The following TENM4 variants were observed in gnomAD, a reference collection of about 807,000 sequenced individuals.
TENM4 encodes teneurin-4.
A neutral mutation model predicts 243.3 loss-of-function variants in TENM4; 82 were observed. The observed-to-expected ratio is 0.34, with a 90% confidence interval of 0.28 to 0.40. The LOEUF is 0.40. Among genes scored for constraint, TENM4 ranks in the 10% least tolerant of loss-of-function variants. The pLI is 1.00. For missense variants in TENM4, 3,138 were observed against 3,673.3 expected (o/e 0.85, Z 3.77); for synonymous variants, 1,412 against 1,456.3 (o/e 0.97, Z 0.69).
At chr11:78,811,648 C>T (rs1248032465) in intron 14 of TENM4, among the ~76,000 whole-genome samples, 2 of 152,002 alleles carry the variant, frequency 1.3e-5, no homozygotes, top group Non-Finnish European at 2.9e-5. Context: ...ATAATAGAAT[C>T]ACACTTCAGA....
At chr11:78,659,357 G>A (rs1857976421) in intron 33 of TENM4, among the ~76,000 whole-genome samples, 1 of 152,126 alleles carries the variant, frequency 6.6e-6, no homozygotes, top group African/African-American at 2.4e-5. Flanking sequence ...GTTGTCACTG[G>A]CTCACAGTCA....
At chr11:78,828,989 G>A (rs1857918437) in intron 12 of TENM4, among the ~76,000 whole-genome samples, 1 of 152,234 alleles carries the variant, frequency 6.6e-6, no homozygotes, top group African/African-American at 2.4e-5. Flanking sequence ...GGGGCCATCT[G>A]CTCTCCACCC....
intron 19 of TENM4, among the ~76,000 whole-genome samples, chr11:78,752,038 A>G (rs1231675030): frequency 6.6e-6 from 1 of 152,204 alleles, no homozygotes; most frequent in East Asian, 1.9e-4. Flanking sequence ...AGTGGTTCCC[A>G]TGCCTACTCT....
chr11:79,122,490 G>A (rs10899592), intron 4 of TENM4, among the ~76,000 whole-genome samples: 101,079 of 152,038 alleles, frequency 0.66, 35,541 homozygotes, highest in Non-Finnish European at 0.81. Flanking sequence ...AGAGATGTCC[G>A]CTGGGACTAG....
chr11:78,668,291 T>C (rs1858211447), intron 32 of TENM4, among the ~76,000 whole-genome samples: 1 of 152,224 alleles, frequency 6.6e-6, no homozygotes, highest in African/African-American at 2.4e-5. Context: ...TTTTAGTTTT[T>C]ATCTTTTTAG....
At chr11:79,122,979 A>C (rs938288505) in intron 4 of TENM4, among the ~76,000 whole-genome samples, 59 of 152,200 alleles carry the variant, frequency 3.9e-4, no homozygotes, top group Admixed American at 3.9e-3. Context: ...CCTGAGCCTT[A>C]CCTCAAACAG....
intron 1 of TENM4, among the ~76,000 whole-genome samples, chr11:79,409,185 T>C (rs1348117579): frequency 1.3e-5 from 2 of 150,400 alleles, no homozygotes; most frequent in African/African-American, 2.4e-5. Flanking sequence ...AATTTTGTTG[T>C]GAGCTTCTCT....
At chr11:79,394,575 C>T in intron 1 of TENM4, among the ~76,000 whole-genome samples, 1 of 152,220 alleles carries the variant, frequency 6.6e-6, no homozygotes, top group Non-Finnish European at 1.5e-5. Flanking sequence ...TTTTGTTTAA[C>T]ACTAATATGT....
rs532612783 is a variant in TENM4, at chr11:79,065,719, G to A, written c.224-712C>T. On this transcript the variant is annotated intron_variant, in intron 5 of 33. Transcript: ENST00000278550. Reference sequence around the variant, plus strand: ...CTGCTTCCTTATCCCAAGTGGGTCTGTGATGGGGAACTGGCAGAGACAGGT... The same window carrying A: ...CTGCTTCCTTATCCCAAGTGGGTCTATGATGGGGAACTGGCAGAGACAGGT... 5.3e-5 allele frequency among the ~76,000 whole-genome samples: 8 copies of A among 152,334 alleles called. No homozygotes were observed. In the East Asian group the frequency reaches 9.7e-4, roughly 18 times the overall value.
intron 3 of TENM4, among the ~76,000 whole-genome samples, chr11:79,176,591 A>G (rs908282733): frequency 6.6e-6 from 1 of 152,250 alleles, no homozygotes; most frequent in Non-Finnish European, 1.5e-5. Context: ...ACTTTTAATT[A>G]CTTGACACCT....
chr11:78,830,687 C>T (rs556480592), intron 12 of TENM4, among the ~76,000 whole-genome samples: 23 of 152,306 alleles, frequency 1.5e-4, no homozygotes, highest in African/African-American at 5.3e-4. Flanking sequence ...CTTTAATTAA[C>T]GATGGCTGAG....
intron 1 of TENM4, among the ~76,000 whole-genome samples, chr11:79,374,028 T>G (rs1236287812): frequency 3.3e-5 from 5 of 152,144 alleles, no homozygotes; most frequent in African/African-American, 9.7e-5. Flanking sequence ...CCTGGGTTGA[T>G]GGACCAGGAA....
intron 5 of TENM4, among the ~76,000 whole-genome samples, chr11:79,067,345 TC>T (rs1257598780): frequency 7.1e-6 from 1 of 140,086 alleles, no homozygotes; most frequent in African/African-American, 2.7e-5. Flanking sequence ...CGTATCACAC[TC>T]CCTGGCCGCT....
intron 3 of TENM4, among the ~76,000 whole-genome samples, chr11:79,165,156 C>T (rs920134591): frequency 3.9e-5 from 6 of 151,972 alleles, no homozygotes; most frequent in Middle Eastern, 3.4e-3. Context: ...GGGTATCTAC[C>T]CAGGACTGGG....
intron 2 of TENM4, among the ~76,000 whole-genome samples, chr11:79,272,654 C>G (rs919387608): frequency 6.6e-6 from 1 of 152,076 alleles, no homozygotes; most frequent in African/African-American, 2.4e-5. Context: ...CACACACACT[C>G]TGGCCTCTTC....
intron 6 of TENM4, among the ~76,000 whole-genome samples, chr11:79,039,384 T>C (rs139367561): frequency 2.6e-5 from 4 of 152,302 alleles, no homozygotes; most frequent in African/African-American, 9.6e-5. Flanking sequence ...GCTGTCAGCC[T>C]GGCTCACATT....
intron 6 of TENM4, among the ~76,000 whole-genome samples, chr11:78,956,141 C>T (rs533613342): frequency 4.6e-5 from 7 of 152,188 alleles, no homozygotes; most frequent in African/African-American, 1.7e-4. Context: ...AGGAAATCAG[C>T]ACTTTTTTTT....
At chr11:78,874,572 A>C (rs1169350878) in intron 9 of TENM4, among the ~76,000 whole-genome samples, 1 of 152,206 alleles carries the variant, frequency 6.6e-6, no homozygotes, top group East Asian at 1.9e-4. Context: ...ACAAGGTAGA[A>C]AAGAAGAATT....
At chr11:79,335,350 A>G (rs963409451) in intron 1 of TENM4, among the ~76,000 whole-genome samples, 1 of 152,210 alleles carries the variant, frequency 6.6e-6, no homozygotes. Context: ...AGGGAGATTC[A>G]AAATAGATGC....
Sources: allele counts gnomAD v4.1 joint callset (sites outside exome capture counted in the v4.1 genomes callset), GRCh38; gene constraint gnomAD v4.1.1; transcripts MANE v1.5; gene names NCBI Gene and HGNC (gene_info 2026-07-23, HGNC 2026-07-21).